The following FHAD1 variants were observed in gnomAD, a reference collection of about 807,000 sequenced individuals.
FHAD1 encodes forkhead associated phosphopeptide binding domain 1.
FHAD1 carries 146 observed loss-of-function variants against 191.3 expected under a neutral mutation model. The observed-to-expected ratio is 0.76, with a 90% CI of 0.67 to 0.88. The LOEUF (loss-of-function observed/expected upper bound fraction) is 0.88. FHAD1 is among the 40% of genes least tolerant of loss of function. FHAD1 has a pLI of 0.00. For synonymous variants in FHAD1, 616 were observed against 672.3 expected (o/e 0.92, Z 1.29); for missense variants, 1,635 against 1,785.8 (o/e 0.92, Z 1.52).
chr1:15,247,818 C>A (rs370214471), intron 1 of FHAD1, among the ~76,000 whole-genome samples: 1 of 152,186 alleles, frequency 6.6e-6, no homozygotes, highest in African/African-American at 2.4e-5. Flanking sequence ...GATCTGGTAA[C>A]CCCTCAACAG....
chr1:15,362,620 A>G (rs1189793258), intron 22 of FHAD1, 22 bp from the exon 23 acceptor site: 2 of 1,540,648 alleles, frequency 1.3e-6, no homozygotes, highest in South Asian at 2.4e-5. Context: ...TCTCACAATG[A>G]TCACATGTCC....
At chr1:15,357,943 A>G (rs1368384716) in intron 20 of FHAD1, 167 bp from the exon 21 acceptor site, 4 of 560,046 alleles carry the variant, frequency 7.1e-6, no homozygotes, top group East Asian at 3.3e-5. Context: ...GACGAGTTCT[A>G]TAATAATTGG....
At position 15,374,545 on chromosome 1, in the gene FHAD1, G is replaced by T. The variant is rs749109875; in HGVS notation, c.3491G>T (p.Arg1164Leu). ...CTAGGGGTCAGGTGCAAAGGGTCCC[G>T]GCACGAGGAGGTCATTCAGCGTCAG... The part of the protein sequence containing the change: ...SDLGVRCKGS[R>L]HEEVIQRQKK... Residue 1164 changes from arginine (R) to leucine (L), a missense_variant, in exon 27 of 34, where the codon CGG becomes CTG. Arg to Leu is a moderately radical substitution (Grantham distance 102). Coordinates refer to ENST00000688493, the MANE Select transcript of FHAD1 (RefSeq NM_001391957.1). The T allele has an allele frequency of 2.6e-6, 4 of 1,551,742 alleles. No homozygotes were observed. In the East Asian group the frequency reaches 9.8e-5, roughly 38 times the overall value.
downstream of FHAD1, among the ~76,000 whole-genome samples, chr1:15,400,752 C>T (rs1014037629): frequency 1.8e-4 from 27 of 152,236 alleles, no homozygotes; most frequent in African/African-American, 6.3e-4. Context: ...TGTCTCTGCT[C>T]AGCAGGCCCA....
rs373099733 is a variant in FHAD1, at chr1:15,358,275, A to G, written c.2728A>G (p.Thr910Ala). 4.2e-5 allele frequency: 64 copies of G among 1,528,562 alleles called. No homozygotes were observed. The highest frequency in any genetic ancestry group is 4.6e-5 in the Non-Finnish European group (53 of 1,141,978). 94.7% of individuals were successfully genotyped at this position (1,528,562 alleles called of 1,614,324 possible). ...ATTAGCCGAACTGGAAACTACCAAG[A>G]CAAAAATGGTAAGTCGGTGCCTTCC... ...ETLAELETTK[T>A]KMIMVEERLI... The change falls in exon 21 of 34, where the codon ACA becomes GCA. Residue 910 changes from threonine (T) to alanine (A), a missense_variant. Transcript: ENST00000688493.
chr1:15,265,145 T>C (rs12144738), intron 2 of FHAD1, among the ~76,000 whole-genome samples: 25,026 of 152,232 alleles, frequency 0.16, 2,372 homozygotes, highest in Middle Eastern at 0.22. Context: ...TATAATGTCT[T>C]TGGTTTTACT....
In FHAD1 at chr1:15,333,963, G is replaced by A. The variant is rs975711322; in HGVS notation, c.1906+4422G>A. Among the ~76,000 whole-genome samples the A allele has an allele frequency of 2.5e-4, 38 of 149,518 alleles. 2 individuals are homozygous for A. The highest frequency in any genetic ancestry group is 2.3e-3 in the Admixed American group (34 of 14,742). ...TCCTTCCACCTCAGCCTCCCAAGTAGCTGGGACTACAGGCGTGTGCCACCA... is the reference window on the plus strand; with the variant it reads ...TCCTTCCACCTCAGCCTCCCAAGTAACTGGGACTACAGGCGTGTGCCACCA... On this transcript the variant is annotated intron_variant, in intron 14 of 33. Transcript: ENST00000688493.
chr1:15,379,342 A>T (rs979281622), intron 28 of FHAD1, among the ~76,000 whole-genome samples: 20 of 152,358 alleles, frequency 1.3e-4, no homozygotes, highest in Admixed American at 4.6e-4. Context: ...ATATGCATAC[A>T]CACAAACATC....
intron 20 of FHAD1, among the ~76,000 whole-genome samples, chr1:15,355,720 A>C (rs530370173): frequency 3.3e-5 from 5 of 152,208 alleles, no homozygotes; most frequent in Non-Finnish European, 7.3e-5. Context: ...CCAGGTCTGC[A>C]TGAGGTCCTC....
At chr1:15,279,818 G>A (rs1476980025) in intron 3 of FHAD1, among the ~76,000 whole-genome samples, 1 of 152,098 alleles carries the variant, frequency 6.6e-6, no homozygotes, top group Non-Finnish European at 1.5e-5. Context: ...TGGAGGGGAT[G>A]AGCCCCATTG....
upstream of FHAD1, among the ~76,000 whole-genome samples, chr1:15,243,363 G>A (rs897435029): frequency 5.9e-5 from 9 of 152,156 alleles, no homozygotes; most frequent in Non-Finnish European, 1.0e-4. Context: ...TCTGTCATCC[G>A]TCACCCTGCG....
At chr1:15,345,755 C>CAGAG in intron 18 of FHAD1, 1 of 564,224 alleles carries the variant, frequency 1.8e-6, no homozygotes, top group East Asian at 3.0e-5. Flanking sequence ...AAAACACAGT[C>CAGAG]AGAGAGAGAG....
At chr1:15,371,539 G>A (rs1359255294) in intron 26 of FHAD1, among the ~76,000 whole-genome samples, 1 of 152,154 alleles carries the variant, frequency 6.6e-6, no homozygotes, top group Non-Finnish European at 1.5e-5. Flanking sequence ...CCGCAAGGAG[G>A]GGTCACATGG....
At chr1:15,266,162 T>G (rs1239166410) in intron 2 of FHAD1, among the ~76,000 whole-genome samples, 1 of 151,932 alleles carries the variant, frequency 6.6e-6, no homozygotes, top group Non-Finnish European at 1.5e-5. Flanking sequence ...CAGGCTGGAG[T>G]GTGGTGGTGC....
At chr1:15,321,779 T>G (rs1676357278) in intron 10 of FHAD1, among the ~76,000 whole-genome samples, 1 of 152,234 alleles carries the variant, frequency 6.6e-6, no homozygotes. Context: ...ATATGTGTGA[T>G]TGTGCATGTT....
chr1:15,252,319 G>A (rs1646881395), intron 2 of FHAD1, among the ~76,000 whole-genome samples: 1 of 152,186 alleles, frequency 6.6e-6, no homozygotes, highest in Non-Finnish European at 1.5e-5. Context: ...GCAGCTCAGG[G>A]CAGTTTTGCA....
At chr1:15,347,166 T>C (rs1689197480) in intron 18 of FHAD1, among the ~76,000 whole-genome samples, 1 of 152,154 alleles carries the variant, frequency 6.6e-6, no homozygotes, top group African/African-American at 2.4e-5. Flanking sequence ...TCACTGAGGT[T>C]TGCCCCCAAG....
At chr1:15,288,064 CAG>C (rs1263378432) in intron 3 of FHAD1, among the ~76,000 whole-genome samples, 3 of 152,102 alleles carry the variant, frequency 2.0e-5, no homozygotes, top group Non-Finnish European at 4.4e-5. Context: ...AATTGGGAGA[CAG>C]AGGAGGGGAA....
intron 16 of FHAD1, among the ~76,000 whole-genome samples, chr1:15,343,058 A>G (rs1687380335): frequency 6.6e-6 from 1 of 152,062 alleles, no homozygotes; most frequent in African/African-American, 2.4e-5. Flanking sequence ...TCAGCCTCCA[A>G]AAGTTCTGGG....
Sources: allele counts gnomAD v4.1 joint callset (sites outside exome capture counted in the v4.1 genomes callset), GRCh38; gene constraint gnomAD v4.1.1; transcripts MANE v1.5; gene names NCBI Gene and HGNC (gene_info 2026-07-23, HGNC 2026-07-21).